ARL8B: variants seen among roughly 807,000 people sequenced by gnomAD.
ARL8B encodes ARF like GTPase 8B.
ARL8B carries 9 observed loss-of-function variants against 30.6 expected under a neutral mutation model. The ratio of observed to expected loss-of-function variants is 0.29; its 90% CI spans 0.18 to 0.51. ARL8B has a LOEUF of 0.51. Among genes scored for constraint, ARL8B ranks in the 20% least tolerant of loss-of-function variants. ARL8B has a pLI of 0.97. For missense variants in ARL8B, 130 were observed against 227.2 expected (o/e 0.57, Z 2.75); for synonymous variants, 74 against 76.0 (o/e 0.97, Z 0.14).
At chr3:5,174,731 AAT>A (rs1234941169) in intron 6 of ARL8B, among the ~76,000 whole-genome samples, 10 of 92,876 alleles carry the variant, frequency 1.1e-4, no homozygotes, top group Non-Finnish European at 1.7e-4. Context: ...TATTATATGT[AAT>A]ATATATGTAA....
At chr3:5,173,939 C>A in intron 4 of ARL8B, 78 bp from the exon 5 acceptor site, 1 of 1,051,602 alleles carries the variant, frequency 9.5e-7, no homozygotes, top group Non-Finnish European at 1.5e-6. Context: ...AACTTTGTGT[C>A]TTCACATATC....
chr3:5,153,497 A>G (rs1254838297), intron 1 of ARL8B, among the ~76,000 whole-genome samples: 1 of 152,106 alleles, frequency 6.6e-6, no homozygotes, highest in Admixed American at 6.5e-5. Context: ...TGGAACTGTT[A>G]AATCCATTAA....
intron 6 of ARL8B, among the ~76,000 whole-genome samples, chr3:5,177,542 C>T (rs2054741121): frequency 1.3e-5 from 2 of 151,714 alleles, no homozygotes; most frequent in Admixed American, 1.3e-4. Flanking sequence ...CTGCAACCTC[C>T]GCCTCCTGGG....
At position 5,170,546 on chromosome 3, in the gene ARL8B, A is replaced by T; in HGVS notation, c.167A>T (p.Asn56Ile). ...SEDMIPTVGF[N>I]MRKVTKGNVT... ...GATATGATACCCACAGTGGGCTTCA[A>T]CATGAGGAAGGTAACTAAAGGTAAC... The change falls in exon 2 of 7, where the codon AAC (asparagine) becomes ATC (isoleucine). Residue 56 changes from asparagine to isoleucine, a missense_variant. Asn to Ile is a moderately radical substitution (Grantham distance 149, BLOSUM62 -3). Coordinates refer to ENST00000256496, the MANE Select transcript of ARL8B (RefSeq NM_018184.3). 1 of 1,613,332 alleles carries T rather than the reference A, an allele frequency of 6.2e-7. No individual in the cohort carries two copies. The highest frequency in any genetic ancestry group is 1.1e-5 in the South Asian group (1 of 90,950).
At chr3:5,138,894 AC>A (rs34616388) in intron 1 of ARL8B, among the ~76,000 whole-genome samples, 1 of 152,176 alleles carries the variant, frequency 6.6e-6, no homozygotes, top group African/African-American at 2.4e-5. Context: ...CTTCAGTAAT[AC>A]CCAGAGAGAG....
intron 1 of ARL8B, among the ~76,000 whole-genome samples, chr3:5,135,021 G>A (rs1378498934): frequency 6.6e-6 from 1 of 152,084 alleles, no homozygotes; most frequent in Non-Finnish European, 1.5e-5. Context: ...GCTAATCTTT[G>A]TGTTTTTGGT....
chr3:5,156,480 G>A (rs1283677821), intron 1 of ARL8B, among the ~76,000 whole-genome samples: 2 of 151,374 alleles, frequency 1.3e-5, no homozygotes, highest in Non-Finnish European at 2.9e-5. Context: ...GCAGTGGCAC[G>A]ATCCTGTCTC....
intron 6 of ARL8B, among the ~76,000 whole-genome samples, chr3:5,175,692 G>A (rs890894408): frequency 5.3e-5 from 8 of 152,168 alleles, no homozygotes; most frequent in Admixed American, 4.6e-4. Context: ...CAGCAGGGTC[G>A]TGTTCTCTCT....
At chr3:5,142,526 C>T (rs1438287314) in intron 1 of ARL8B, among the ~76,000 whole-genome samples, 1 of 152,146 alleles carries the variant, frequency 6.6e-6, no homozygotes, top group Non-Finnish European at 1.5e-5. Flanking sequence ...TGAGGTCCTC[C>T]CGTAGCACAC....
At chr3:5,127,436 C>T (rs972338891) in intron 1 of ARL8B, among the ~76,000 whole-genome samples, 14 of 152,054 alleles carry the variant, frequency 9.2e-5, no homozygotes, top group African/African-American at 3.4e-4. Context: ...GAAATACAGA[C>T]GTAATGAGTA....
chr3:5,179,780 A>G lies in ARL8B; in HGVS notation c.*1067A>G, dbSNP rs2054762710. ...ACTCTTTTGACTGGTGCCATTAGAC[A>G]TCTTGATTATTGTGACAACTCTAGA... On this transcript the variant is annotated 3_prime_UTR_variant, in exon 7 of 7. Coordinates refer to ENST00000256496, the MANE Select transcript of ARL8B (RefSeq NM_018184.3). The G allele has an allele frequency of 6.6e-6, 1 of 152,500 alleles. No individual in the cohort carries two copies. The highest frequency in any genetic ancestry group is 1.5e-5 in the Non-Finnish European group (1 of 68,030). 9.4% of individuals were successfully genotyped at this position (152,500 alleles called of 1,614,324 possible).
intron 6 of ARL8B, among the ~76,000 whole-genome samples, chr3:5,175,490 T>C (rs2054721606): frequency 1.3e-5 from 2 of 152,240 alleles, no homozygotes; most frequent in African/African-American, 2.4e-5. Context: ...TTTTCAGTTA[T>C]TGAACCAGTA....
intron 6 of ARL8B, among the ~76,000 whole-genome samples, chr3:5,177,459 CT>C (rs781220638): frequency 2.1e-3 from 299 of 139,174 alleles, no homozygotes; most frequent in Middle Eastern, 7.5e-3. Flanking sequence ...TAGTGAATTT[CT>C]TTTTTTTTTT....
chr3:5,132,198 C>G (rs1205526397), intron 1 of ARL8B, among the ~76,000 whole-genome samples: 1 of 152,064 alleles, frequency 6.6e-6, no homozygotes, highest in African/African-American at 2.4e-5. Flanking sequence ...GTCCTCCCAT[C>G]CTTTCTGTAG....
At chr3:5,156,867 G>A (rs1249663105) in intron 1 of ARL8B, 1 of 150,002 alleles carries the variant, frequency 6.7e-6, no homozygotes, top group Non-Finnish European at 1.5e-5. Flanking sequence ...CTCCCAAAAT[G>A]CTAGGATTAC....
chr3:5,169,614 CTT>C (rs1559285762), intron 1 of ARL8B, among the ~76,000 whole-genome samples: 2 of 148,996 alleles, frequency 1.3e-5, no homozygotes, highest in South Asian at 4.2e-4. Context: ...GGTGGTATCT[CTT>C]TGTGGGTTTG....
At chr3:5,153,423 T>C (rs759782143) in intron 1 of ARL8B, among the ~76,000 whole-genome samples, 2 of 152,150 alleles carry the variant, frequency 1.3e-5, no homozygotes, top group Non-Finnish European at 2.9e-5. Context: ...CCTGCTGCCA[T>C]CCATGTAAGA....
intron 1 of ARL8B, among the ~76,000 whole-genome samples, chr3:5,124,915 G>C (rs372211403): frequency 6.6e-6 from 1 of 152,214 alleles, no homozygotes; most frequent in Non-Finnish European, 1.5e-5. Context: ...GTTTCATGTG[G>C]ATAGGTGTAT....
intron 1 of ARL8B, among the ~76,000 whole-genome samples, chr3:5,126,149 C>G (rs2054228313): frequency 1.3e-5 from 2 of 151,270 alleles, no homozygotes; most frequent in Non-Finnish European, 2.9e-5. Flanking sequence ...AGGCTCTAAC[C>G]TAACCCCTGA....
Sources: gnomAD v4.1 joint callset for allele counts (sites outside exome capture counted in the v4.1 genomes callset) on GRCh38, gnomAD v4.1.1 for gene constraint, MANE v1.5 for transcripts, NCBI Gene and HGNC (gene_info 2026-07-23, HGNC 2026-07-21) for gene names.